Variants in OCIAD1 observed in about 807,000 individuals in gnomAD.
The protein encoded by OCIAD1 is OCIA domain containing 1.
In OCIAD1, 29 loss-of-function variants were observed where a neutral mutation model predicts 38.9. The observed-to-expected ratio is 0.74, with a 90% CI of 0.55 to 1.02. The LOEUF is 1.02. OCIAD1 is among the 50% of genes least tolerant of loss of function. The probability of loss-of-function intolerance (pLI) is 0.00; values close to 1 mark genes in which losing one functional copy is unlikely to be tolerated. For missense variants in OCIAD1, 288 were observed against 289.6 expected (o/e 0.99, Z 0.04); for synonymous variants, 110 against 92.0 (o/e 1.20, Z -1.12).
chr4:48,848,582 T>C, intron 5 of OCIAD1, 136 bp downstream of exon 5: 1 of 417,454 alleles, frequency 2.4e-6, no homozygotes. Context: ...GTTAAAGCAT[T>C]TCATTAAGTG....
chr4:48,842,852 G>C (rs1373194352), intron 4 of OCIAD1, among the ~76,000 whole-genome samples, 163 bp downstream of exon 4: 1 of 152,030 alleles, frequency 6.6e-6, no homozygotes, highest in African/African-American at 2.4e-5. Context: ...GGACCCACTG[G>C]CTCAAATATC....
upstream of OCIAD1, among the ~76,000 whole-genome samples, chr4:48,830,108 T>C (rs1777357761): frequency 6.6e-6 from 1 of 152,204 alleles, no homozygotes; most frequent in Admixed American, 6.5e-5. Context: ...GGCTGTTTCT[T>C]GTTAGTGAAC....
intron 1 of OCIAD1, among the ~76,000 whole-genome samples, chr4:48,814,226 C>T (rs1457633197): frequency 1.3e-5 from 2 of 151,066 alleles, no homozygotes; most frequent in African/African-American, 4.9e-5. Context: ...AAAGGGTCAC[C>T]TCCTGTGGAG....
At chr4:48,823,824 C>CTTTTTTTTTTTTT in intron 1 of OCIAD1, among the ~76,000 whole-genome samples, 5 of 70,128 alleles carry the variant, frequency 7.1e-5, no homozygotes, top group Non-Finnish European at 7.2e-5. Flanking sequence ...CAATGCCTGG[C>CTTTTTTTTTTTTT]TTTTTTTTTT....
At chr4:48,852,119 T>G (rs535073472) in intron 7 of OCIAD1, 144 bp downstream of exon 7, 61 of 625,804 alleles carry the variant, frequency 9.7e-5, no homozygotes, top group Non-Finnish European at 1.4e-4. Context: ...GTTCATTTGT[T>G]TCTTCATTCA....
rs1245399903 is a variant in OCIAD1 at position 48,831,779 on chromosome 4, A to G, written c.-6+530A>G. Reference sequence around the variant, plus strand: ...CCTTTTTTATTTCTTTTCTCTAATTAAGGGGTTGGCATGTAGTAGGCCTTC... The same window carrying G: ...CCTTTTTTATTTCTTTTCTCTAATTGAGGGGTTGGCATGTAGTAGGCCTTC... On this transcript the variant is annotated intron_variant, in intron 1 of 8. Coordinates refer to ENST00000264312, the MANE Select transcript of OCIAD1 (RefSeq NM_017830.4). 2.0e-5 allele frequency among the ~76,000 whole-genome samples: 3 copies of G among 152,216 alleles called. No individual in the cohort carries two copies. In the South Asian group the frequency reaches 6.2e-4, roughly 32 times the overall value.
chr4:48,811,689 T>C (rs1330960115), intron 1 of OCIAD1, among the ~76,000 whole-genome samples: 2 of 152,130 alleles, frequency 1.3e-5, no homozygotes, highest in African/African-American at 4.8e-5. Context: ...GGGATCAGAT[T>C]ATGGATATAC....
At chr4:48,848,546 G>A in intron 5 of OCIAD1, 100 bp downstream of exon 5, 1 of 519,106 alleles carries the variant, frequency 1.9e-6, no homozygotes, top group South Asian at 3.5e-5. Flanking sequence ...TTAGTTATGT[G>A]GTTACATGCT....
In OCIAD1 at chr4:48,861,069, A is replaced by G; in HGVS notation, c.*307A>G. ...AAAACCGTCGAGATTACAATGCTCT[A>G]GAATCAGCATATAAGAAAATAAATG... is the stretch of plus-strand genomic sequence containing the variant. On this transcript the variant is annotated 3_prime_UTR_variant, in exon 9 of 9. Coordinates refer to ENST00000264312, the MANE Select transcript of OCIAD1 (RefSeq NM_017830.4). 1 of 290,758 alleles carries G rather than the reference A, an allele frequency of 3.4e-6. No individual in the cohort carries two copies. Among genetic ancestry groups the G allele is most frequent in the East Asian group, 6.4e-5 (1 of 15,574 alleles). The allele number at this position is 290,758 out of a possible 1,614,324, so 18.0% of individuals were successfully genotyped here.
intron 5 of OCIAD1, among the ~76,000 whole-genome samples, chr4:48,848,820 T>C (rs1284272148): frequency 6.6e-6 from 1 of 152,216 alleles, no homozygotes; most frequent in Non-Finnish European, 1.5e-5. Context: ...AAGAAATCTC[T>C]CTAATTTGTA....
At chr4:48,845,490 C>G (rs1231040560) in intron 4 of OCIAD1, among the ~76,000 whole-genome samples, 2 of 152,136 alleles carry the variant, frequency 1.3e-5, no homozygotes, top group African/African-American at 4.8e-5. Context: ...TCAGGCGATT[C>G]CTCTGTTTCA....
chr4:48,853,643 A>G (rs1245419385), intron 7 of OCIAD1, among the ~76,000 whole-genome samples: 6 of 152,262 alleles, frequency 3.9e-5, no homozygotes, highest in Admixed American at 3.9e-4. Flanking sequence ...GCCGCTAGCC[A>G]TATGTGGCTA....
chr4:48,839,756 G>A (rs1170256244), intron 3 of OCIAD1, among the ~76,000 whole-genome samples: 1 of 152,146 alleles, frequency 6.6e-6, no homozygotes, highest in Non-Finnish European at 1.5e-5. Flanking sequence ...TAATTGTAGG[G>A]ATTCTTGTAT....
At chr4:48,828,787 A>AC (rs1462747160), upstream of OCIAD1, among the ~76,000 whole-genome samples, 1 of 152,156 alleles carries the variant, frequency 6.6e-6, no homozygotes, top group Admixed American at 6.5e-5. Context: ...GTCTGGACAC[A>AC]CCATCTTTAA....
intron 5 of OCIAD1, among the ~76,000 whole-genome samples, chr4:48,848,862 C>G (rs1248405788): frequency 6.6e-6 from 1 of 152,040 alleles, no homozygotes; most frequent in Admixed American, 6.5e-5. Context: ...AACTTATTTA[C>G]ACATTGCAAT....
chr4:48,829,238 C>A (rs74783820), upstream of OCIAD1, among the ~76,000 whole-genome samples: 300 of 151,510 alleles, frequency 2.0e-3, 7 homozygotes, highest in East Asian at 0.047. Context: ...ACGGTCTAGA[C>A]AATAGAGCAA....
intron 8 of OCIAD1, 23 bp downstream of exon 8, chr4:48,857,388 A>G (rs368685437): frequency 6.8e-7 from 1 of 1,471,694 alleles, no homozygotes; most frequent in South Asian, 1.5e-5. Context: ...AGTCTGAATC[A>G]CTTTACTGTT....
At chr4:48,845,018 GA>G (rs1295606100) in intron 4 of OCIAD1, among the ~76,000 whole-genome samples, 2 of 151,994 alleles carry the variant, frequency 1.3e-5, no homozygotes, top group African/African-American at 4.8e-5. Flanking sequence ...TGTACATATG[GA>G]GGGCTGCCTG....
At chr4:48,826,732 A>C (rs1210659839), upstream of OCIAD1, among the ~76,000 whole-genome samples, 6 of 152,206 alleles carry the variant, frequency 3.9e-5, no homozygotes, top group Non-Finnish European at 8.8e-5. Context: ...CAAAAACCCA[A>C]AACAAAAAAT....
Sources: allele counts gnomAD v4.1 joint callset (sites outside exome capture counted in the v4.1 genomes callset), GRCh38; gene constraint gnomAD v4.1.1; transcripts MANE v1.5; gene names NCBI Gene and HGNC (gene_info 2026-07-23, HGNC 2026-07-21).